Variants in ESRRG observed in about 807,000 individuals in gnomAD.
ESRRG encodes the protein estrogen-related receptor gamma.
A neutral mutation model predicts 44.0 loss-of-function variants in ESRRG; 13 were observed. The ratio of observed to expected loss-of-function variants is 0.30; its 90% CI spans 0.19 to 0.47. The LOEUF (loss-of-function observed/expected upper bound fraction) is 0.47, where lower values mean the gene tolerates loss of function less well. Among genes scored for constraint, ESRRG ranks in the 20% least tolerant of loss-of-function variants. ESRRG has a pLI of 1.00. For missense variants in ESRRG, 395 were observed against 580.6 expected, an observed-to-expected ratio of 0.68 and a Z score of 3.29; for synonymous variants, 215 against 214.6, an observed-to-expected ratio of 1.00 and a Z score of -0.02.
intron 2 of ESRRG, among the ~76,000 whole-genome samples, chr1:216,731,987 T>A (rs1232228835): frequency 6.6e-6 from 1 of 152,000 alleles, no homozygotes; most frequent in Non-Finnish European, 1.5e-5. Flanking sequence ...AACAAAGAAT[T>A]GAAATTTAAC....
chr1:216,657,546 C>A (rs571112151), intron 2 of ESRRG, among the ~76,000 whole-genome samples: 3 of 152,100 alleles, frequency 2.0e-5, no homozygotes, highest in Non-Finnish European at 4.4e-5. Context: ...TTTAAGTCTA[C>A]CCTTAAAGGT....
At chr1:216,848,471 A>T (rs973523074) in intron 2 of ESRRG, among the ~76,000 whole-genome samples, 1 of 151,704 alleles carries the variant, frequency 6.6e-6, no homozygotes, top group African/African-American at 2.4e-5. Context: ...CTTAAGCCCT[A>T]AGGGCTAGTT....
intron 2 of ESRRG, among the ~76,000 whole-genome samples, chr1:216,739,264 GAAAA>G (rs59371441): frequency 6.9e-6 from 1 of 143,958 alleles, no homozygotes; most frequent in Admixed American, 6.8e-5. Flanking sequence ...TCATTAAAGT[GAAAA>G]AAAAAAAAAA....
chr1:216,617,894 G>A (rs2061635896), intron 3 of ESRRG, among the ~76,000 whole-genome samples: 1 of 152,188 alleles, frequency 6.6e-6, no homozygotes, highest in Non-Finnish European at 1.5e-5. Context: ...ACCATTGGAT[G>A]TCAGAAAGAT....
intron 5 of ESRRG, among the ~76,000 whole-genome samples, chr1:216,525,029 A>T (rs1053960244): frequency 6.6e-6 from 1 of 152,222 alleles, no homozygotes; most frequent in African/African-American, 2.4e-5. Flanking sequence ...TAGGAACAGA[A>T]ATTGAAAACA....
At chr1:216,840,069 T>C (rs896248898) in intron 2 of ESRRG, among the ~76,000 whole-genome samples, 8 of 152,174 alleles carry the variant, frequency 5.3e-5, no homozygotes, top group African/African-American at 1.7e-4. Context: ...CAGGCATTGA[T>C]TTCTCCTTTC....
chr1:216,513,552 C>A (rs909431533), intron 6 of ESRRG, among the ~76,000 whole-genome samples: 1 of 152,062 alleles, frequency 6.6e-6, no homozygotes, highest in African/African-American at 2.4e-5. Context: ...AGCTAGTTTT[C>A]TTTGACATTT....
chr1:216,985,368 T>C (rs2074694812), intron 1 of ESRRG, among the ~76,000 whole-genome samples: 1 of 152,174 alleles, frequency 6.6e-6, no homozygotes, highest in Admixed American at 6.5e-5. Flanking sequence ...AGTAGCATGC[T>C]GGAAGCTTTA....
intron 1 of ESRRG, among the ~76,000 whole-genome samples, chr1:216,678,834 A>G (rs4426040): frequency 0.76 from 116,024 of 152,030 alleles, 44,831 homozygotes; most frequent in Non-Finnish European, 0.82. Flanking sequence ...TGGGGGACTC[A>G]TCACAGGATA....
At chr1:216,833,139 G>A (rs576146489) in intron 2 of ESRRG, among the ~76,000 whole-genome samples, 5 of 152,144 alleles carry the variant, frequency 3.3e-5, no homozygotes, top group South Asian at 2.1e-4. Context: ...CAGAGTCAGC[G>A]TGTCAGGATC....
intron 3 of ESRRG, among the ~76,000 whole-genome samples, chr1:216,616,275 A>G (rs190328846): frequency 1.3e-5 from 2 of 152,254 alleles, no homozygotes; most frequent in Admixed American, 1.3e-4. Context: ...GTGAAAGCCT[A>G]CCAGGAGATT....
chr1:217,132,929 ACCACCT>A, intron 1 of ESRRG, among the ~76,000 whole-genome samples: 1 of 152,240 alleles, frequency 6.6e-6, no homozygotes, highest in East Asian at 1.9e-4. Context: ...GTTCTCTGTC[ACCACCT>A]CCCTTCCATA....
At chr1:216,664,880 A>C (rs1348515898) in intron 2 of ESRRG, among the ~76,000 whole-genome samples, 1 of 152,128 alleles carries the variant, frequency 6.6e-6, no homozygotes. Context: ...GTATGCATAC[A>C]TCCAAAAGAA....
At chr1:216,658,697 G>C (rs574348316) in intron 2 of ESRRG, among the ~76,000 whole-genome samples, 2 of 151,116 alleles carry the variant, frequency 1.3e-5, no homozygotes, top group Non-Finnish European at 2.9e-5. Flanking sequence ...GCCAGGCATG[G>C]TTGTGTGCGC....
chr1:216,542,347 T>A (rs1372998215), intron 5 of ESRRG, among the ~76,000 whole-genome samples: 4 of 151,988 alleles, frequency 2.6e-5, no homozygotes, highest in Non-Finnish European at 5.9e-5. Flanking sequence ...TTCTTTTTGG[T>A]TCCTTATAAA....
intron 2 of ESRRG, among the ~76,000 whole-genome samples, chr1:216,880,920 C>T (rs1468979595): frequency 6.6e-6 from 1 of 152,048 alleles, no homozygotes; most frequent in Admixed American, 6.6e-5. Context: ...ATAATTATTG[C>T]CTTTTAATAT....
chr1:217,110,135 G>C (rs2092644799), intron 1 of ESRRG, among the ~76,000 whole-genome samples: 1 of 152,156 alleles, frequency 6.6e-6, no homozygotes, highest in South Asian at 2.1e-4. Context: ...CCCAGGTTTG[G>C]AACCCATGGA....
chr1:216,773,246 T>C (rs1449343489), intron 2 of ESRRG, among the ~76,000 whole-genome samples: 1 of 152,098 alleles, frequency 6.6e-6, no homozygotes, highest in Non-Finnish European at 1.5e-5. Context: ...GAAAATTGGA[T>C]AGCTTACCAA....
chr1:216,975,428 A>G (rs1464021778), intron 1 of ESRRG, among the ~76,000 whole-genome samples: 4 of 152,222 alleles, frequency 2.6e-5, no homozygotes, highest in Non-Finnish European at 5.9e-5. Context: ...ACAAAAAGCT[A>G]GGTGCACGGG....
Sources: allele counts gnomAD v4.1 joint callset (sites outside exome capture counted in the v4.1 genomes callset), GRCh38; gene constraint gnomAD v4.1.1; transcripts MANE v1.5; gene names NCBI Gene and HGNC (gene_info 2026-07-23, HGNC 2026-07-21).